Variants in SASH1 observed in about 807,000 individuals in gnomAD.
SASH1 encodes SAM and SH3 domain-containing protein 1.
SASH1 carries 44 observed loss-of-function variants against 125.2 expected under a neutral mutation model. The observed-to-expected ratio is 0.35, with a 90% CI of 0.28 to 0.45. The LOEUF (loss-of-function observed/expected upper bound fraction) is 0.45, where lower values mean the gene tolerates loss of function less well. Ranked by LOEUF, SASH1 falls within the 20% of genes least tolerant of loss-of-function variation. The pLI is 1.00. For missense variants in SASH1, 1,426 were observed against 1,614.5 expected, an observed-to-expected ratio of 0.88 and a Z score of 2.00; for synonymous variants, 639 against 649.1, an observed-to-expected ratio of 0.98 and a Z score of 0.24.
At chr6:148,332,740 G>A (rs182250561) in intron 1 of SASH1, among the ~76,000 whole-genome samples, 193 of 152,096 alleles carry the variant, frequency 1.3e-3, no homozygotes, top group African/African-American at 4.4e-3. Context: ...TAATTCCAGC[G>A]CTTTGGGAGG....
intron 1 of SASH1, among the ~76,000 whole-genome samples, chr6:148,367,853 C>T (rs980645350): frequency 6.6e-6 from 1 of 152,224 alleles, no homozygotes; most frequent in Non-Finnish European, 1.5e-5. Context: ...TGGGTGGCAG[C>T]GGCTGTGCCA....
At chr6:148,291,259 A>T (rs1309987139) in intron 1 of SASH1, among the ~76,000 whole-genome samples, 17 of 152,254 alleles carry the variant, frequency 1.1e-4, no homozygotes. Flanking sequence ...ATTTGAGGTG[A>T]CAGATACGCT....
the SASH1 span, among the ~76,000 whole-genome samples, chr6:148,262,409 T>C: frequency 6.6e-6 from 1 of 152,158 alleles, no homozygotes; most frequent in South Asian, 2.1e-4. Flanking sequence ...CACAGACAGG[T>C]GTGGTGTTGC....
At chr6:148,369,966 C>CAAAAAAAAAAAA (rs562924566) in intron 1 of SASH1, among the ~76,000 whole-genome samples, 433 of 93,530 alleles carry the variant, frequency 4.6e-3, no homozygotes, top group Middle Eastern at 0.012. Context: ...AAAAGAAAAA[C>CAAAAAAAAAAAA]AAAAAAAAAA....
intron 1 of SASH1, among the ~76,000 whole-genome samples, chr6:148,297,327 G>T (rs1307184463): frequency 6.6e-6 from 1 of 152,286 alleles, no homozygotes; most frequent in Non-Finnish European, 1.5e-5. Flanking sequence ...TTAGACTAAA[G>T]ACATTGTGTA....
At chr6:148,450,691 CTT>C (rs10594605) in intron 4 of SASH1, among the ~76,000 whole-genome samples, 55,669 of 144,932 alleles carry the variant, frequency 0.38, 10,484 homozygotes, top group Middle Eastern at 0.48. Context: ...TATATGTTAT[CTT>C]TTTTTTTTTT....
intron 1 of SASH1, among the ~76,000 whole-genome samples, chr6:148,313,058 T>G (rs1394398448): frequency 1.3e-5 from 2 of 151,880 alleles, no homozygotes; most frequent in South Asian, 2.1e-4. Context: ...AAAAAAGAAG[T>G]CTTAGGAGTT....
chr6:148,331,258 G>T (rs1383241039), intron 1 of SASH1, among the ~76,000 whole-genome samples: 2 of 152,158 alleles, frequency 1.3e-5, no homozygotes, highest in Non-Finnish European at 1.5e-5. Flanking sequence ...GTCTGAACCC[G>T]CTGTGTATAA....
chr6:148,476,097 C>T (rs1451371458), intron 7 of SASH1, among the ~76,000 whole-genome samples: 3 of 151,866 alleles, frequency 2.0e-5, no homozygotes, highest in African/African-American at 7.3e-5. Flanking sequence ...TTGCAGGCTA[C>T]AAAATCAACA....
At chr6:148,280,593 T>G (rs1369573918) in intron 1 of SASH1, among the ~76,000 whole-genome samples, 3 of 152,116 alleles carry the variant, frequency 2.0e-5, no homozygotes, top group African/African-American at 7.2e-5. Context: ...TAGGATCGCT[T>G]GAGCTCAAGA....
chr6:148,487,800 G>T lies in SASH1; in HGVS notation c.729+85G>T, dbSNP rs1326384436. On this transcript the variant is annotated intron_variant, in intron 8 of 19. Coordinates refer to ENST00000367467, the MANE Select transcript of SASH1 (RefSeq NM_015278.5). ...CATTTTAGTCTTTGTATTTCTTTTC[G>T]AAACTTCCGACTCGCACCTGGGTCT... is the stretch of plus-strand genomic sequence containing the variant. 4.1e-6 allele frequency: 4 copies of T among 977,028 alleles called. No individual in the cohort carries two copies. The East Asian group carries it at 7.7e-5, about 19-fold the overall frequency. 60.5% of individuals were successfully genotyped at this position (977,028 alleles called of 1,614,324 possible).
chr6:148,388,422 TCAGA>T (rs1377784188), intron 1 of SASH1, among the ~76,000 whole-genome samples: 1 of 152,220 alleles, frequency 6.6e-6, no homozygotes, highest in African/African-American at 2.4e-5. Context: ...GGCTGTGGGC[TCAGA>T]CAGACAAGAC....
chr6:148,423,925 A>G (rs920327331), intron 2 of SASH1, among the ~76,000 whole-genome samples: 1 of 152,062 alleles, frequency 6.6e-6, no homozygotes, highest in African/African-American at 2.4e-5. Context: ...TTATACCACA[A>G]TAACTTAATT....
chr6:148,200,538 C>T, the SASH1 span, among the ~76,000 whole-genome samples: 3 of 152,204 alleles, frequency 2.0e-5, no homozygotes, highest in Non-Finnish European at 4.4e-5. Context: ...TGCTGAAATC[C>T]TGGCAAGAGA....
At position 148,325,672 on chromosome 6, in the gene SASH1, G is replaced by A. The variant is rs114384900; in HGVS notation, n.74+53295G>A. Among the ~76,000 whole-genome samples the A allele has an allele frequency of 3.0e-3, 451 of 152,118 alleles. 3 individuals carry two copies. The highest frequency in any genetic ancestry group is 0.011 in the African/African-American group (436 of 41,506). On this transcript the variant is annotated intron_variant and non_coding_transcript_variant, in intron 1 of 3. Coordinates refer to the SASH1 transcript ENST00000367469. ...CCCATGATTCAATTATCTCCCACTG[G>A]GTCCCTCACACGACACGTGGGGATT...
intron 1 of SASH1, among the ~76,000 whole-genome samples, chr6:148,295,294 C>T (rs1779738160): frequency 6.6e-6 from 1 of 152,182 alleles, no homozygotes; most frequent in South Asian, 2.1e-4. Flanking sequence ...ATTTTCAGCA[C>T]TTAGAGAAAG....
the SASH1 span, among the ~76,000 whole-genome samples, chr6:148,222,791 T>C: frequency 2.0e-5 from 3 of 151,928 alleles, no homozygotes; most frequent in Non-Finnish European, 4.4e-5. Flanking sequence ...TCTCTCTCTC[T>C]CTCTCTCTCT....
chr6:148,417,728 A>T lies in SASH1; in HGVS notation c.286-22456A>T, dbSNP rs12526872. Among the ~76,000 whole-genome samples, 1,210 of 150,412 alleles carry T rather than the reference A, an allele frequency of 8.0e-3. 23 individuals are homozygous for T. In the East Asian group the frequency reaches 0.081, roughly 10 times the overall value. On this transcript the variant is annotated intron_variant, in intron 2 of 19. Transcript: ENST00000367467. Reference sequence around the variant, plus strand: ...CTCAGTTTCCTCATTGGTTTTTTTTAAAAAAAACTGGAAATAGGCAAAGTT... The same window carrying T: ...CTCAGTTTCCTCATTGGTTTTTTTTTAAAAAAACTGGAAATAGGCAAAGTT...
At chr6:148,356,491 G>GTTTTTTTTTTTT (rs1554241621) in intron 1 of SASH1, among the ~76,000 whole-genome samples, 1 of 70,058 alleles carries the variant, frequency 1.4e-5, no homozygotes, top group African/African-American at 7.1e-5. Context: ...TCTACTTTTA[G>GTTTTTTTTTTTT]TTCTTTTTTT....
Sources: allele counts gnomAD v4.1 joint callset (sites outside exome capture counted in the v4.1 genomes callset), GRCh38; gene constraint gnomAD v4.1.1; transcripts MANE v1.5; gene names NCBI Gene and HGNC (gene_info 2026-07-23, HGNC 2026-07-21).